Variants in METTL15 observed in about 807,000 individuals in gnomAD.
METTL15 encodes the protein methyltransferase 15, mitochondrial 12S rRNA N4-cytidine.
Under a neutral mutation model 38.3 loss-of-function variants are expected in METTL15, and 34 were observed. The ratio of observed to expected loss-of-function variants is 0.89; its 90% CI spans 0.68 to 1.18. The LOEUF is 1.18. Ranked by LOEUF, METTL15 falls within the 50% of genes most tolerant of loss-of-function variation. The pLI is 0.00. For missense variants in METTL15, 438 were observed against 498.4 expected (o/e 0.88, Z 1.15); for synonymous variants, 162 against 170.9 (o/e 0.95, Z 0.41).
chr11:28,302,412 T>G (rs943675425), intron 6 of METTL15, among the ~76,000 whole-genome samples: 3 of 152,140 alleles, frequency 2.0e-5, no homozygotes, highest in African/African-American at 7.2e-5. Context: ...AACCTCATCT[T>G]GTAGCTCGCA....
chr11:28,367,470 C>T (rs969976200), intron 5 of METTL15, among the ~76,000 whole-genome samples: 1 of 152,114 alleles, frequency 6.6e-6, no homozygotes, highest in Non-Finnish European at 1.5e-5. Context: ...AACTACAAAC[C>T]ACTGCTCAAG....
At chr11:28,161,472 A>G (rs1280270636) in intron 3 of METTL15, among the ~76,000 whole-genome samples, 2 of 152,100 alleles carry the variant, frequency 1.3e-5, no homozygotes, top group Non-Finnish European at 2.9e-5. Context: ...TGATGTACAA[A>G]TGGACACTAG....
intron 6 of METTL15, among the ~76,000 whole-genome samples, chr11:28,298,179 A>C (rs566595957): frequency 6.6e-6 from 1 of 152,218 alleles, no homozygotes; most frequent in East Asian, 1.9e-4. Flanking sequence ...GTATACCAGC[A>C]TGCCGACATT....
intron 6 of METTL15, among the ~76,000 whole-genome samples, chr11:28,440,112 A>G (rs1487010473): frequency 1.3e-5 from 2 of 152,136 alleles, no homozygotes; most frequent in East Asian, 3.9e-4. Context: ...CCCCATAGAA[A>G]GCCATGACTG....
At chr11:28,452,390 C>CTT (rs2133448797) in intron 6 of METTL15, among the ~76,000 whole-genome samples, 1 of 152,242 alleles carries the variant, frequency 6.6e-6, no homozygotes, top group South Asian at 2.1e-4. Flanking sequence ...AAATCAATTG[C>CTT]TTTTCGGTGA....
At chr11:28,235,731 A>G (rs1590199591) in intron 4 of METTL15, among the ~76,000 whole-genome samples, 1 of 152,220 alleles carries the variant, frequency 6.6e-6, no homozygotes, top group African/African-American at 2.4e-5. Flanking sequence ...TTTTCTAGAT[A>G]TACAATCATG....
chr11:28,411,910 C>T (rs1352667348), intron 5 of METTL15, among the ~76,000 whole-genome samples: 3 of 151,946 alleles, frequency 2.0e-5, no homozygotes, highest in Admixed American at 1.3e-4. Flanking sequence ...AAACAAACAA[C>T]CTGATTTTAA....
chr11:28,396,700 A>G (rs535920751), intron 5 of METTL15, among the ~76,000 whole-genome samples: 19 of 152,296 alleles, frequency 1.2e-4, no homozygotes, highest in African/African-American at 4.1e-4. Context: ...CATCCCCATC[A>G]AGCTACCAAT....
intron 4 of METTL15, among the ~76,000 whole-genome samples, chr11:28,220,287 GTTGAA>G (rs1853136339): frequency 6.6e-6 from 1 of 152,152 alleles, no homozygotes; most frequent in Non-Finnish European, 1.5e-5. Flanking sequence ...AGCTCTTCTT[GTTGAA>G]TTGATCACTT....
intron 3 of METTL15, among the ~76,000 whole-genome samples, chr11:28,187,504 G>A (rs993233646): frequency 6.9e-6 from 1 of 145,894 alleles, no homozygotes; most frequent in Non-Finnish European, 1.5e-5. Flanking sequence ...TGGTACATAA[G>A]AACACAATAA....
At chr11:28,340,359 AAAAG>A (rs1322129273) in intron 3 of METTL15, among the ~76,000 whole-genome samples, 5 of 152,246 alleles carry the variant, frequency 3.3e-5, no homozygotes, top group East Asian at 1.9e-4. Flanking sequence ...TTGCTGTTCT[AAAAG>A]AAACTATCAT....
At chr11:28,317,148 A>G (rs1361360797) in intron 6 of METTL15, among the ~76,000 whole-genome samples, 1 of 151,544 alleles carries the variant, frequency 6.6e-6, no homozygotes, top group East Asian at 1.9e-4. Context: ...TTGTATGAGG[A>G]TTTGTAAATC....
chr11:28,277,395 A>G (rs1235214225), intron 4 of METTL15, among the ~76,000 whole-genome samples: 2 of 152,194 alleles, frequency 1.3e-5, no homozygotes, highest in Non-Finnish European at 2.9e-5. Context: ...ATACTATTTG[A>G]CCTTAAGAAA....
intron 5 of METTL15, among the ~76,000 whole-genome samples, chr11:28,371,546 T>G (rs922305982): frequency 6.6e-6 from 1 of 152,170 alleles, no homozygotes; most frequent in African/African-American, 2.4e-5. Flanking sequence ...TTAGGAATGT[T>G]TTCTTCTATT....
intron 5 of METTL15, among the ~76,000 whole-genome samples, chr11:28,419,920 A>T (rs376947135): frequency 6.0e-4 from 91 of 152,310 alleles, no homozygotes; most frequent in African/African-American, 2.2e-3. Flanking sequence ...TTGATCAAAC[A>T]GAAGAGAGAA....
rs1205905333 is a variant in METTL15, at chr11:28,330,885, C to G, written c.*44C>G. ...TTCAAATTTTTTTCTCACAATTTCT[C>G]TAATCTTTACTCATGTTATGTCCCT... is the stretch of plus-strand genomic sequence containing the variant. On this transcript the variant is annotated 3_prime_UTR_variant, in exon 7 of 7. Coordinates refer to ENST00000407364, the MANE Select transcript of METTL15 (RefSeq NM_001113528.2). 30 of 1,403,104 alleles carry G rather than the reference C, an allele frequency of 2.1e-5. No individual in the cohort carries two copies. Among genetic ancestry groups the G allele is most frequent in the Non-Finnish European group, 2.8e-5 (29 of 1,041,746 alleles). 86.9% of individuals were successfully genotyped at this position (1,403,104 alleles called of 1,614,324 possible).
At chr11:28,139,614 C>T (rs1480077985) in intron 3 of METTL15, among the ~76,000 whole-genome samples, 8 of 152,112 alleles carry the variant, frequency 5.3e-5, no homozygotes, top group Non-Finnish European at 1.2e-4. Flanking sequence ...GACCTCTATC[C>T]ATGAAATGGG....
intron 5 of METTL15, among the ~76,000 whole-genome samples, chr11:28,422,945 A>G (rs1850833464): frequency 6.6e-6 from 1 of 152,016 alleles, no homozygotes; most frequent in African/African-American, 2.4e-5. Flanking sequence ...GCAACTACCC[A>G]TCTAACAAGG....
intron 5 of METTL15, among the ~76,000 whole-genome samples, chr11:28,293,912 C>G (rs1319569455): frequency 6.6e-6 from 1 of 152,088 alleles, no homozygotes; most frequent in Non-Finnish European, 1.5e-5. Context: ...ATTTTATATC[C>G]TGAGACTTTG....
Sources: allele counts gnomAD v4.1 joint callset (sites outside exome capture counted in the v4.1 genomes callset), GRCh38; gene constraint gnomAD v4.1.1; transcripts MANE v1.5; gene names NCBI Gene and HGNC (gene_info 2026-07-23, HGNC 2026-07-21).